NF2: variants seen among roughly 807,000 people sequenced by gnomAD.
NF2 encodes merlin.
NF2 carries 8 observed loss-of-function variants against 83.7 expected under a neutral mutation model. The ratio of observed to expected loss-of-function variants is 0.10; its 90% CI spans 0.06 to 0.17. The LOEUF (loss-of-function observed/expected upper bound fraction) is 0.17. Ranked by LOEUF, NF2 falls within the 10% of genes least tolerant of loss-of-function variation. NF2 has a pLI of 1.00. For synonymous variants in NF2, 266 were observed against 269.6 expected (o/e 0.99, Z 0.13); for missense variants, 533 against 744.4 (o/e 0.72, Z 3.31).
chr22:29,617,833 A>T (rs2065118270), intron 1 of NF2, among the ~76,000 whole-genome samples: 1 of 152,232 alleles, frequency 6.6e-6, no homozygotes, highest in Non-Finnish European at 1.5e-5. Flanking sequence ...GCAGAGCAGT[A>T]GTAGAAAGTG....
chr22:29,637,024 C>G, intron 2 of NF2, 148 bp downstream of exon 2: 1 of 1,165,962 alleles, frequency 8.6e-7, no homozygotes, highest in Non-Finnish European at 1.3e-6. Context: ...GAAAGCAGGA[C>G]GTAGAGATGC....
chr22:29,628,036 G>A (rs2087827258), intron 1 of NF2, among the ~76,000 whole-genome samples: 1 of 152,092 alleles, frequency 6.6e-6, no homozygotes, highest in Non-Finnish European at 1.5e-5. Context: ...GCCTCATCTA[G>A]TTATCATGAT....
chr22:29,611,895 A>G (rs902027773), intron 1 of NF2, among the ~76,000 whole-genome samples: 8 of 152,268 alleles, frequency 5.3e-5, no homozygotes, highest in Admixed American at 2.6e-4. Flanking sequence ...TAACCTAAAA[A>G]ATAAAAATAC....
chr22:29,683,142 T>A, intron 15 of NF2: 1 of 1,614,020 alleles, frequency 6.2e-7, no homozygotes. Flanking sequence ...AGCTTGCCTG[T>A]CTCTGTCCTC....
intron 12 of NF2, among the ~76,000 whole-genome samples, chr22:29,673,759 G>A (rs944030706): frequency 9.9e-5 from 15 of 152,202 alleles, no homozygotes; most frequent in African/African-American, 3.4e-4. Flanking sequence ...TCTGATGGCC[G>A]TGTGTGCAGG....
intron 4 of NF2, among the ~76,000 whole-genome samples, chr22:29,645,988 T>A (rs2065972529): frequency 6.6e-6 from 1 of 152,214 alleles, no homozygotes; most frequent in African/African-American, 2.4e-5. Flanking sequence ...TAAGGCTTAC[T>A]ATGACATACT....
chr22:29,632,167 A>G (rs996160836), intron 1 of NF2, among the ~76,000 whole-genome samples: 2 of 151,980 alleles, frequency 1.3e-5, no homozygotes, highest in African/African-American at 4.8e-5. Context: ...TTTGTTCTTG[A>G]TTTTAGATGG....
At chr22:29,609,842 A>T (rs1047898991) in intron 1 of NF2, among the ~76,000 whole-genome samples, 3 of 152,044 alleles carry the variant, frequency 2.0e-5, no homozygotes, top group Non-Finnish European at 4.4e-5. Context: ...TATAAAAACA[A>T]TTTTTTTCTG....
intron 13 of NF2, among the ~76,000 whole-genome samples, chr22:29,675,682 G>A (rs2066941128): frequency 1.3e-5 from 2 of 151,860 alleles, no homozygotes; most frequent in African/African-American, 4.8e-5. Context: ...GAGAACATAG[G>A]GTATTCAGGG....
chr22:29,643,972 AC>A (rs1328851632), intron 4 of NF2, among the ~76,000 whole-genome samples: 2 of 120,956 alleles, frequency 1.7e-5, no homozygotes, highest in East Asian at 2.2e-4. Flanking sequence ...CGGGGGGCTG[AC>A]CCCCCCACCT....
intron 3 of NF2, among the ~76,000 whole-genome samples, chr22:29,641,836 C>A (rs945576432): frequency 3.3e-5 from 5 of 152,124 alleles, no homozygotes; most frequent in African/African-American, 1.2e-4. Context: ...TCCTCTGGGG[C>A]CATGCATATT....
rs1424159402 is a variant in NF2 at position 29,697,314 on chromosome 22, G to A, written c.*2512G>A. ...AGTGCCAAGCCACGCGGCCTCAAGG[G>A]AGCTGGCTGGTGTTTGAGCTGTGGC... On this transcript the variant is annotated 3_prime_UTR_variant, in exon 16 of 16. Transcript: ENST00000338641. 9.9e-6 allele frequency: 2 copies of A among 202,472 alleles called. No homozygotes were observed. The highest frequency in any genetic ancestry group is 1.2e-4 in the Admixed American group (2 of 16,720). 12.5% of individuals were successfully genotyped at this position (202,472 alleles called of 1,614,324 possible).
chr22:29,614,635 T>A (rs1243855064), intron 1 of NF2, among the ~76,000 whole-genome samples: 1 of 149,940 alleles, frequency 6.7e-6, no homozygotes, highest in Non-Finnish European at 1.5e-5. Context: ...TAATCACAGC[T>A]ACTTGGGAGG....
At chr22:29,609,370 T>C (rs1340656803) in intron 1 of NF2, 1 of 605,220 alleles carries the variant, frequency 1.7e-6, no homozygotes, top group African/African-American at 1.8e-5. Flanking sequence ...ACACTGTCCA[T>C]AGGTGTGCAG....
At chr22:29,617,836 A>G (rs975184866) in intron 1 of NF2, among the ~76,000 whole-genome samples, 4 of 152,208 alleles carry the variant, frequency 2.6e-5, no homozygotes, top group African/African-American at 9.6e-5. Flanking sequence ...GAGCAGTAGT[A>G]GAAAGTGCAT....
At chr22:29,646,585 T>A (rs2065987568) in intron 4 of NF2, among the ~76,000 whole-genome samples, 1 of 152,246 alleles carries the variant, frequency 6.6e-6, no homozygotes, top group Non-Finnish European at 1.5e-5. Context: ...ACACATGGAA[T>A]GTAATTATGC....
In NF2 at chr22:29,664,273, G is replaced by A. The variant is rs560146703; in HGVS notation, c.811-717G>A. On this transcript the variant is annotated intron_variant, in intron 8 of 15. Coordinates refer to ENST00000338641, the MANE Select transcript of NF2 (RefSeq NM_000268.4). ...CGGGTGTGAGCCACCATATCTGGCC[G>A]CCTCTGACTTTTATTCTCACTGCCA... is the stretch of plus-strand genomic sequence containing the variant. Among the ~76,000 whole-genome samples, 5 of 151,706 alleles carry A rather than the reference G, an allele frequency of 3.3e-5. No homozygotes were observed. In the South Asian group the frequency reaches 1.0e-3, roughly 32 times the overall value.
chr22:29,669,968 G>A (rs1218883287), intron 10 of NF2, among the ~76,000 whole-genome samples: 1 of 152,088 alleles, frequency 6.6e-6, no homozygotes, highest in Non-Finnish European at 1.5e-5. Flanking sequence ...AGGTCTCAGG[G>A]AAAGTACAGG....
intron 4 of NF2, among the ~76,000 whole-genome samples, chr22:29,650,337 C>G (rs1185892601): frequency 6.6e-6 from 1 of 152,140 alleles, no homozygotes; most frequent in African/African-American, 2.4e-5. Flanking sequence ...TTCTTGCGAA[C>G]AGTAGATACT....
Sources: allele counts gnomAD v4.1 joint callset (sites outside exome capture counted in the v4.1 genomes callset), GRCh38; gene constraint gnomAD v4.1.1; transcripts MANE v1.5; gene names NCBI Gene and HGNC (gene_info 2026-07-23, HGNC 2026-07-21).